The following CHN2 variants were observed in gnomAD, a reference collection of about 807,000 sequenced individuals.
CHN2 encodes beta-chimaerin.
A neutral mutation model predicts 56.3 loss-of-function variants in CHN2; 35 were observed. The ratio of observed to expected loss-of-function variants is 0.62; its 90% CI spans 0.47 to 0.82. CHN2 has a LOEUF of 0.82. Ranked by LOEUF, CHN2 falls within the 40% of genes least tolerant of loss-of-function variation. The probability of loss-of-function intolerance (pLI) is 0.00; values close to 1 mark genes in which losing one functional copy is unlikely to be tolerated. For synonymous variants in CHN2, 210 were observed against 212.8 expected (o/e 0.99, Z 0.12); for missense variants, 491 against 580.5 (o/e 0.85, Z 1.58).
intron 1 of CHN2, among the ~76,000 whole-genome samples, chr7:29,345,450 T>C (rs1205403216): frequency 6.6e-6 from 1 of 151,944 alleles, no homozygotes; most frequent in East Asian, 1.9e-4. Flanking sequence ...AGCCAGAGCA[T>C]TTACGCTGAG....
At chr7:29,332,016 G>GA (rs35099980) in intron 1 of CHN2, among the ~76,000 whole-genome samples, 51,088 of 136,922 alleles carry the variant, frequency 0.37, 9,362 homozygotes, top group African/African-American at 0.46. Flanking sequence ...TGTCTCAAAA[G>GA]AAAAAAAAAA....
intron 1 of CHN2, among the ~76,000 whole-genome samples, chr7:29,196,655 G>C (rs1562822699): frequency 6.6e-6 from 1 of 152,206 alleles, no homozygotes; most frequent in East Asian, 1.9e-4. Flanking sequence ...GGAGCTGGTG[G>C]TGTCACATGA....
At chr7:29,212,650 G>T (rs548482422) in intron 1 of CHN2, 2 of 1,440,026 alleles carry the variant, frequency 1.4e-6, no homozygotes, top group South Asian at 2.3e-5. Context: ...TTCAGAGACA[G>T]AAATACCTTA....
At chr7:29,262,585 C>T (rs1049070574) in intron 1 of CHN2, among the ~76,000 whole-genome samples, 13 of 152,282 alleles carry the variant, frequency 8.5e-5, no homozygotes, top group South Asian at 2.1e-4. Flanking sequence ...TCCTTTTCTT[C>T]TTTAACTAAT....
chr7:29,211,268 T>TG (rs1784924574), intron 1 of CHN2, among the ~76,000 whole-genome samples: 1 of 150,838 alleles, frequency 6.6e-6, no homozygotes, highest in Non-Finnish European at 1.5e-5. Flanking sequence ...TTAGTAGAGA[T>TG]GGGGTTTCAC....
chr7:29,431,663 A>G (rs996458194), intron 6 of CHN2, among the ~76,000 whole-genome samples: 4 of 152,228 alleles, frequency 2.6e-5, no homozygotes, highest in Non-Finnish European at 4.4e-5. Flanking sequence ...CCGGACAGTG[A>G]AAGTGGGAGT....
At chr7:29,282,563 G>A (rs192510031) in intron 1 of CHN2, among the ~76,000 whole-genome samples, 1 of 152,238 alleles carries the variant, frequency 6.6e-6, no homozygotes, top group East Asian at 1.9e-4. Flanking sequence ...TGTTTTAACT[G>A]TACTGGTGGA....
At chr7:29,346,622 TG>T (rs2128918655) in intron 1 of CHN2, among the ~76,000 whole-genome samples, 1 of 152,332 alleles carries the variant, frequency 6.6e-6, no homozygotes, top group African/African-American at 2.4e-5. Flanking sequence ...TTATTTGAAA[TG>T]TTCTTTAAAA....
chr7:29,169,835 T>C (rs181215974), intron 2 of CHN2, among the ~76,000 whole-genome samples: 42 of 151,456 alleles, frequency 2.8e-4, no homozygotes, highest in East Asian at 1.7e-3. Flanking sequence ...TATATATATA[T>C]ACACACATAT....
At chr7:29,194,211 C>T (rs1198661690), upstream of CHN2, 1 of 151,614 alleles carries the variant, frequency 6.6e-6, no homozygotes, top group Non-Finnish European at 1.5e-5. Flanking sequence ...TCCCCATCCC[C>T]TTCAAATCCT....
At chr7:29,235,671 TGTA>T (rs1320973194) in intron 1 of CHN2, among the ~76,000 whole-genome samples, 1 of 152,112 alleles carries the variant, frequency 6.6e-6, no homozygotes, top group African/African-American at 2.4e-5. Flanking sequence ...ATAAAGAAAA[TGTA>T]GTACATGTGC....
intron 1 of CHN2, among the ~76,000 whole-genome samples, chr7:29,317,427 A>T (rs1047337752): frequency 6.6e-6 from 1 of 152,140 alleles, no homozygotes; most frequent in African/African-American, 2.4e-5. Context: ...TCGATGTGCA[A>T]AGTGTGGTCC....
intron 1 of CHN2, among the ~76,000 whole-genome samples, chr7:29,213,516 A>G (rs13221235): frequency 0.13 from 20,140 of 152,202 alleles, 1,706 homozygotes; most frequent in Non-Finnish European, 0.19. Flanking sequence ...TACTAGTTTG[A>G]ATATCTTCAG....
intron 7 of CHN2, among the ~76,000 whole-genome samples, chr7:29,483,426 A>G (rs1334933331): frequency 6.6e-6 from 1 of 152,214 alleles, no homozygotes; most frequent in Non-Finnish European, 1.5e-5. Context: ...ACCAAAGGAC[A>G]GTTGGCACCT....
intron 9 of CHN2, among the ~76,000 whole-genome samples, chr7:29,503,561 G>A (rs747263038): frequency 1.3e-5 from 2 of 152,156 alleles, no homozygotes; most frequent in African/African-American, 2.4e-5. Flanking sequence ...TGAATTCTGA[G>A]GCTAAATAGG....
chr7:29,203,731 C>T (rs942899911), intron 1 of CHN2, among the ~76,000 whole-genome samples: 2 of 152,126 alleles, frequency 1.3e-5, no homozygotes, highest in Non-Finnish European at 2.9e-5. Context: ...TCTACTTATC[C>T]TCCATTCACC....
At chr7:29,472,429 T>A (rs1020706210) in intron 6 of CHN2, among the ~76,000 whole-genome samples, 14 of 151,384 alleles carry the variant, frequency 9.2e-5, no homozygotes, top group African/African-American at 2.9e-4. Context: ...TCCCACACCA[T>A]CCAGGGCTGT....
chr7:29,196,281 C>T (rs567808701), intron 1 of CHN2, among the ~76,000 whole-genome samples: 84 of 152,290 alleles, frequency 5.5e-4, no homozygotes, highest in African/African-American at 2.0e-3. Context: ...AGATTTACTT[C>T]CTGGGAAATG....
intron 6 of CHN2, among the ~76,000 whole-genome samples, chr7:29,424,309 A>G (rs1804632500): frequency 6.6e-6 from 1 of 152,230 alleles, no homozygotes; most frequent in Admixed American, 6.5e-5. Flanking sequence ...GGGACATAGT[A>G]GAGAAACACA....
Sources: gnomAD v4.1 joint callset for allele counts (sites outside exome capture counted in the v4.1 genomes callset) on GRCh38, gnomAD v4.1.1 for gene constraint, MANE v1.5 for transcripts, NCBI Gene and HGNC (gene_info 2026-07-23, HGNC 2026-07-21) for gene names.